Variants in MAGI3 observed in about 807,000 individuals in gnomAD.
The protein encoded by MAGI3 is membrane-associated guanylate kinase, WW and PDZ domain-containing protein 3.
MAGI3 carries 43 observed loss-of-function variants against 121.8 expected under a neutral mutation model. That is an observed-to-expected ratio of 0.35 (90% CI 0.28 to 0.46). The LOEUF (loss-of-function observed/expected upper bound fraction) is 0.46, where lower values mean the gene tolerates loss of function less well. Among genes scored for constraint, MAGI3 ranks in the 20% least tolerant of loss-of-function variants. The pLI is 1.00. For synonymous variants in MAGI3, 553 were observed against 639.3 expected (o/e 0.86, Z 2.04); for missense variants, 1,547 against 1,797.3 (o/e 0.86, Z 2.52).
At chr1:113,456,694 T>G (rs1389150616) in intron 1 of MAGI3, among the ~76,000 whole-genome samples, 1 of 152,208 alleles carries the variant, frequency 6.6e-6, no homozygotes, top group African/African-American at 2.4e-5. Flanking sequence ...ATTCATTCTT[T>G]ATAAAAGTAT....
chr1:113,530,749 T>C (rs977308228), intron 1 of MAGI3, among the ~76,000 whole-genome samples: 1 of 151,848 alleles, frequency 6.6e-6, no homozygotes, highest in African/African-American at 2.4e-5. Context: ...AGTGAAACCC[T>C]ATCTCTAAAA....
chr1:113,659,009 A>T, intron 15 of MAGI3, 71 bp from the exon 16 acceptor site: 1 of 1,228,112 alleles, frequency 8.1e-7, no homozygotes, highest in East Asian at 2.3e-5. Context: ...ATTTTAAATG[A>T]CGTTGATTAT....
chr1:113,503,803 G>T (rs1657173245), intron 1 of MAGI3, among the ~76,000 whole-genome samples: 1 of 151,960 alleles, frequency 6.6e-6, no homozygotes, highest in African/African-American at 2.4e-5. Context: ...TATGTGACTG[G>T]GAATGACATG....
chr1:113,602,111 T>C (rs1649429929), intron 6 of MAGI3, among the ~76,000 whole-genome samples: 1 of 151,336 alleles, frequency 6.6e-6, no homozygotes. Flanking sequence ...TTAGGAGATA[T>C]ACCTAATGCT....
chr1:113,663,756 CT>C (rs1314361505), intron 16 of MAGI3, among the ~76,000 whole-genome samples: 1 of 152,240 alleles, frequency 6.6e-6, no homozygotes, highest in Middle Eastern at 3.4e-3. Flanking sequence ...CTATGTTTAG[CT>C]TTTTGAAGAA....
chr1:113,654,154 C>T (rs1653342825), intron 15 of MAGI3, 136 bp downstream of exon 15: 1 of 665,926 alleles, frequency 1.5e-6, no homozygotes, highest in Non-Finnish European at 2.4e-6. Flanking sequence ...TGAATACTTT[C>T]CTTATTTTCA....
intron 1 of MAGI3, among the ~76,000 whole-genome samples, chr1:113,540,408 A>T (rs1659233005): frequency 2.6e-5 from 4 of 152,150 alleles, no homozygotes; most frequent in Admixed American, 1.3e-4. Flanking sequence ...TGAAAAGATG[A>T]CCTTCTTAGT....
At chr1:113,655,617 T>A (rs543853032) in intron 15 of MAGI3, among the ~76,000 whole-genome samples, 1 of 152,332 alleles carries the variant, frequency 6.6e-6, no homozygotes, top group African/African-American at 2.4e-5. Context: ...GTGATGGTTT[T>A]ACCTATGGAG....
At chr1:113,488,859 G>A (rs1458163445) in intron 1 of MAGI3, among the ~76,000 whole-genome samples, 1 of 152,122 alleles carries the variant, frequency 6.6e-6, no homozygotes, top group Non-Finnish European at 1.5e-5. Flanking sequence ...GCAGGGCACA[G>A]AGAAGGCACC....
intron 9 of MAGI3, among the ~76,000 whole-genome samples, chr1:113,629,984 C>T (rs746504932): frequency 9.9e-5 from 15 of 152,142 alleles, no homozygotes; most frequent in Non-Finnish European, 1.8e-4. Flanking sequence ...GCCCTGGAGC[C>T]CTATGATCAG....
intron 9 of MAGI3, among the ~76,000 whole-genome samples, chr1:113,640,223 A>C (rs1652369299): frequency 6.6e-6 from 1 of 152,228 alleles, no homozygotes; most frequent in Non-Finnish European, 1.5e-5. Flanking sequence ...TAAAAAATCA[A>C]GAAACAATAG....
At chr1:113,655,936 G>A (rs953102531) in intron 15 of MAGI3, among the ~76,000 whole-genome samples, 11 of 152,018 alleles carry the variant, frequency 7.2e-5, no homozygotes, top group Admixed American at 5.2e-4. Flanking sequence ...AATTGTCACC[G>A]TCTCTTAACT....
At chr1:113,507,911 A>G (rs777144608) in intron 1 of MAGI3, among the ~76,000 whole-genome samples, 3 of 152,156 alleles carry the variant, frequency 2.0e-5, no homozygotes, top group Non-Finnish European at 2.9e-5. Flanking sequence ...ATTCATGTCA[A>G]CCTTATTGAA....
intron 19 of MAGI3, among the ~76,000 whole-genome samples, chr1:113,676,668 A>T (rs1340175363): frequency 6.6e-6 from 1 of 152,032 alleles, no homozygotes; most frequent in Non-Finnish European, 1.5e-5. Flanking sequence ...ATTGATGACA[A>T]CTTTCTCTGG....
rs1653136069 is a variant in MAGI3 at position 113,651,106 on chromosome 1, T to C, written c.2340T>C (p.Pro780=). The C allele has an allele frequency of 1.2e-6, 2 of 1,614,180 alleles. No homozygotes were observed. The highest frequency in any genetic ancestry group is 1.6e-4 in the Middle Eastern group (1 of 6,062). ...AACTAATGTGCATTGATGGAATTCCTGTTAAAGGGAAATCACACAAACAAG... is the reference window on the plus strand; with the variant it reads ...AACTAATGTGCATTGATGGAATTCCCGTTAAAGGGAAATCACACAAACAAG... ...ADELMCIDGI[P]VKGKSHKQVL... is the part of the protein sequence containing the mutation. The change falls in exon 14 of 21, where the codon CCT becomes CCC. Residue 780 remains proline, a synonymous_variant. Coordinates refer to ENST00000307546, the MANE Select transcript of MAGI3 (RefSeq NM_001142782.2).
chr1:113,512,031 T>A (rs1375787209), intron 1 of MAGI3, among the ~76,000 whole-genome samples: 1 of 152,208 alleles, frequency 6.6e-6, no homozygotes, highest in East Asian at 1.9e-4. Flanking sequence ...GTAGAGGTCA[T>A]TTAGTTCTTT....
intron 2 of MAGI3, among the ~76,000 whole-genome samples, chr1:113,563,982 A>C (rs1660338905): frequency 6.6e-6 from 1 of 152,136 alleles, no homozygotes; most frequent in African/African-American, 2.4e-5. Flanking sequence ...CCTTATTTAA[A>C]TATTCTCCCT....
At chr1:113,439,028 A>G (rs1477613243) in intron 1 of MAGI3, among the ~76,000 whole-genome samples, 1 of 152,114 alleles carries the variant, frequency 6.6e-6, no homozygotes, top group Non-Finnish European at 1.5e-5. Context: ...ACTATTCTTG[A>G]GCTTTGGGGC....
intron 9 of MAGI3, among the ~76,000 whole-genome samples, chr1:113,629,759 T>TCTCCCTCCCTCCCTCC (rs1310852147): frequency 1.2e-5 from 1 of 80,508 alleles, no homozygotes. Flanking sequence ...TCTCTCTCTC[T>TCTCCCTCCCTCCCTCC]CTCCCTCCCT....
Sources: gnomAD v4.1 joint callset for allele counts (sites outside exome capture counted in the v4.1 genomes callset) on GRCh38, gnomAD v4.1.1 for gene constraint, MANE v1.5 for transcripts, NCBI Gene and HGNC (gene_info 2026-07-23, HGNC 2026-07-21) for gene names.